The following PEPD variants were observed in gnomAD, a reference collection of about 807,000 sequenced individuals.
PEPD encodes the protein peptidase D.
PEPD carries 53 observed loss-of-function variants against 60.7 expected under a neutral mutation model. The observed-to-expected ratio is 0.87, with a 90% CI of 0.70 to 1.10. The LOEUF (loss-of-function observed/expected upper bound fraction) is 1.10, where lower values mean the gene tolerates loss of function less well. Among genes scored for constraint, PEPD ranks in the 50% least tolerant of loss-of-function variants. The probability of loss-of-function intolerance (pLI) is 0.00; values close to 1 mark genes in which losing one functional copy is unlikely to be tolerated. For missense variants in PEPD, 711 were observed against 711.9 expected, an observed-to-expected ratio of 1.00 and a Z score of 0.01; for synonymous variants, 267 against 284.1, an observed-to-expected ratio of 0.94 and a Z score of 0.60.
chr19:33,450,243 G>A (rs1041342886), intron 9 of PEPD, among the ~76,000 whole-genome samples: 19 of 152,232 alleles, frequency 1.2e-4, no homozygotes, highest in African/African-American at 4.1e-4. Flanking sequence ...GCCCCGGCTT[G>A]TGCCCCTTCC....
At chr19:33,450,650 G>T (rs1036684027) in intron 9 of PEPD, among the ~76,000 whole-genome samples, 2 of 152,216 alleles carry the variant, frequency 1.3e-5, no homozygotes, top group Non-Finnish European at 2.9e-5. Flanking sequence ...GAGTGAGACA[G>T]TGCTCACTAA....
chr19:33,480,345 A>C (rs1322202292), intron 6 of PEPD, among the ~76,000 whole-genome samples: 1 of 152,252 alleles, frequency 6.6e-6, no homozygotes, highest in Non-Finnish European at 1.5e-5. Flanking sequence ...ATCCACAAAG[A>C]AGATAAAACA....
At chr19:33,406,765 C>A (rs896320056) in intron 11 of PEPD, among the ~76,000 whole-genome samples, 4 of 152,192 alleles carry the variant, frequency 2.6e-5, no homozygotes, top group Admixed American at 2.6e-4. Flanking sequence ...CTGCAGGGCC[C>A]ATGTGAGGCC....
chr19:33,458,624 A>G (rs1483076377), intron 9 of PEPD, among the ~76,000 whole-genome samples: 5 of 98,800 alleles, frequency 5.1e-5, no homozygotes, highest in African/African-American at 1.6e-4. Flanking sequence ...TGTATGTGTG[A>G]TGTGTGTGGC....
chr19:33,518,447 C>T (rs1417191194), intron 1 of PEPD, among the ~76,000 whole-genome samples: 1 of 152,194 alleles, frequency 6.6e-6, no homozygotes, highest in Non-Finnish European at 1.5e-5. Context: ...CAGAAGAATG[C>T]TGACTCCAGT....
intron 9 of PEPD, among the ~76,000 whole-genome samples, chr19:33,429,004 G>A (rs1470718914): frequency 6.6e-6 from 1 of 152,150 alleles, no homozygotes; most frequent in African/African-American, 2.4e-5. Flanking sequence ...CTCTTTCTGG[G>A]CACATATCTT....
chr19:33,387,324 G>A lies in PEPD; in HGVS notation c.*20C>T, dbSNP rs369236384. The A allele has an allele frequency of 1.7e-5, 28 of 1,613,350 alleles. No individual in the cohort carries two copies. The Middle Eastern group carries it at 8.3e-4, about 48-fold the overall frequency. ...GTTGCAAGGCCAGGCCCCCAGGTGC[G>A]CTGGGATTTCTGGCTGGCTCTACTT... On this transcript the variant is annotated 3_prime_UTR_variant, in exon 15 of 15. Coordinates refer to ENST00000244137, the MANE Select transcript of PEPD (RefSeq NM_000285.4).
chr19:33,475,739 T>C (rs1264443421), intron 7 of PEPD, among the ~76,000 whole-genome samples: 1 of 152,222 alleles, frequency 6.6e-6, no homozygotes, highest in African/African-American at 2.4e-5. Flanking sequence ...TAAGTGGACA[T>C]GGCCCATTCT....
intron 9 of PEPD, among the ~76,000 whole-genome samples, chr19:33,435,107 G>A (rs10402712): frequency 0.3 from 44,827 of 151,940 alleles, 7,435 homozygotes; most frequent in African/African-American, 0.43. Context: ...TGAGGTGGCT[G>A]AGACGGTAGC....
At chr19:33,494,390 T>G (rs545965409) in intron 4 of PEPD, among the ~76,000 whole-genome samples, 3 of 152,226 alleles carry the variant, frequency 2.0e-5, no homozygotes, top group African/African-American at 7.2e-5. Context: ...TTGATAAGTT[T>G]TGACATATGT....
chr19:33,500,862 T>C (rs1224912664), intron 4 of PEPD, 76 bp downstream of exon 4: 1 of 855,622 alleles, frequency 1.2e-6, no homozygotes, highest in Non-Finnish European at 2.0e-6. Flanking sequence ...GTTGTGGCAG[T>C]GGAAGGAGAG....
chr19:33,446,025 G>A (rs977560114), intron 9 of PEPD, among the ~76,000 whole-genome samples: 1 of 152,154 alleles, frequency 6.6e-6, no homozygotes, highest in Non-Finnish European at 1.5e-5. Flanking sequence ...CCTGGACCCC[G>A]CAGCCTGTTC....
At chr19:33,498,660 AG>A (rs1970653058) in intron 4 of PEPD, among the ~76,000 whole-genome samples, 1 of 150,350 alleles carries the variant, frequency 6.7e-6, no homozygotes, top group African/African-American at 2.5e-5. Context: ...TCCTGGAGGC[AG>A]GTGCCCATTC....
chr19:33,403,473 C>T (rs996455320), intron 11 of PEPD, among the ~76,000 whole-genome samples: 5 of 152,184 alleles, frequency 3.3e-5, no homozygotes, highest in East Asian at 1.9e-4. Context: ...GCTTCCGTCA[C>T]GAGGGCCTCT....
intron 9 of PEPD, among the ~76,000 whole-genome samples, chr19:33,443,271 A>G (rs1394626911): frequency 6.6e-6 from 1 of 152,212 alleles, no homozygotes; most frequent in African/African-American, 2.4e-5. Flanking sequence ...ATTACTGAAT[A>G]CTATTCCCTC....
At chr19:33,477,434 C>T (rs762306039) in intron 7 of PEPD, 1 of 168,626 alleles carries the variant, frequency 5.9e-6, no homozygotes. Context: ...TGCAGCCATC[C>T]ATCAAAGAAA....
At chr19:33,467,170 A>T (rs981776481) in intron 7 of PEPD, among the ~76,000 whole-genome samples, 85 of 138,238 alleles carry the variant, frequency 6.1e-4, no homozygotes, top group Non-Finnish European at 1.2e-3. Context: ...AAAAAAAAAA[A>T]AGAAAGAAAG....
At chr19:33,521,072 G>A (rs1455043489) in intron 1 of PEPD, among the ~76,000 whole-genome samples, 1 of 152,178 alleles carries the variant, frequency 6.6e-6, no homozygotes, top group Non-Finnish European at 1.5e-5. Context: ...GAACCCATCT[G>A]TCCACCCTTC....
At position 33,502,952 on chromosome 19, in the gene PEPD, CGGGG is replaced by C. The variant is rs71181361; in HGVS notation, c.330-1955_330-1952del. ...AGACCCTCTACGGATAACTGGGGGG[CGGGG>C]GGGGGTGTTGTGGGTGCCAAGGATA... On this transcript the variant is annotated intron_variant, in intron 3 of 14. Coordinates refer to ENST00000244137, the MANE Select transcript of PEPD (RefSeq NM_000285.4). Among the ~76,000 whole-genome samples the C allele has an allele frequency of 3.9e-5, 3 of 77,480 alleles. No homozygotes were observed. The South Asian group carries it at 1.6e-3, about 42-fold the overall frequency. The allele number at this position is 77,480 out of a possible 152,430, so 50.8% of individuals were successfully genotyped here. A position where few individuals can be genotyped will look rare whatever the true frequency, so the allele number is the denominator to read the frequency against.
Sources: gnomAD v4.1 joint callset for allele counts (sites outside exome capture counted in the v4.1 genomes callset) on GRCh38, gnomAD v4.1.1 for gene constraint, MANE v1.5 for transcripts, NCBI Gene and HGNC (gene_info 2026-07-23, HGNC 2026-07-21) for gene names.